Variants in TMC7 observed in about 807,000 individuals in gnomAD.
The protein encoded by TMC7 is transmembrane channel like 7.
In TMC7, 54 loss-of-function variants were observed where a neutral mutation model predicts 82.9. The ratio of observed to expected loss-of-function variants is 0.65; its 90% confidence interval spans 0.52 to 0.82. The LOEUF (loss-of-function observed/expected upper bound fraction) is 0.82, where lower values mean the gene tolerates loss of function less well. Ranked by LOEUF, TMC7 falls within the 40% of genes least tolerant of loss-of-function variation. The pLI is 0.00. For synonymous variants in TMC7, 350 were observed against 337.9 expected, an observed-to-expected ratio of 1.04 and a Z score of -0.39; for missense variants, 820 against 901.2, an observed-to-expected ratio of 0.91 and a Z score of 1.15.
intron 12 of TMC7, among the ~76,000 whole-genome samples, chr16:19,050,912 G>T (rs1408167771): frequency 1.3e-5 from 2 of 151,912 alleles, no homozygotes; most frequent in East Asian, 3.9e-4. Context: ...TTTGAGACAG[G>T]GTCTCTCTCT....
chr16:18,987,068 G>A (rs1385765497), intron 1 of TMC7, among the ~76,000 whole-genome samples: 1 of 152,142 alleles, frequency 6.6e-6, no homozygotes, highest in Admixed American at 6.5e-5. Context: ...GCCTCCCAAA[G>A]TGCTGGGATT....
intron 6 of TMC7, 137 bp downstream of exon 6, chr16:19,030,506 C>A (rs2142237626): frequency 1.1e-6 from 1 of 943,482 alleles, no homozygotes; most frequent in African/African-American, 1.7e-5. Context: ...GTTTGTGAGT[C>A]CATTGGCAGC....
Position 19,038,144 on chromosome 16 carries a change from C to G in TMC7, c.1179+97C>G, listed in dbSNP as rs555701377. Reference sequence around the variant, plus strand: ...CATTTCTGTTTTACATATGGAGATACAAGTTTGGCTGATATGATCAAGACC... The same window carrying G: ...CATTTCTGTTTTACATATGGAGATAGAAGTTTGGCTGATATGATCAAGACC... On this transcript the variant is annotated intron_variant, in intron 8 of 15. Transcript: ENST00000304381. The G allele has an allele frequency of 1.7e-4, 214 of 1,251,174 alleles. No individual in the cohort carries two copies. In the South Asian group the frequency reaches 3.1e-3, roughly 18 times the overall value. The allele number at this position is 1,251,174 out of a possible 1,614,324, so 77.5% of individuals were successfully genotyped here.
At chr16:18,989,963 C>T (rs1360602872) in intron 1 of TMC7, among the ~76,000 whole-genome samples, 1 of 151,914 alleles carries the variant, frequency 6.6e-6, no homozygotes, top group Non-Finnish European at 1.5e-5. Context: ...CACCTGGGTG[C>T]AGGCGGGCTG....
Position 19,056,051 on chromosome 16 carries a change from T to G in TMC7, c.1872-491T>G, listed in dbSNP as rs570011572. Among the ~76,000 whole-genome samples, 13 of 152,286 alleles carry G rather than the reference T, an allele frequency of 8.5e-5. No individual in the cohort carries two copies. In the East Asian group the frequency reaches 2.5e-3, roughly 29 times the overall value. ...TAAACTGGAAGTTAGGTCTAGAGAC[T>G]TGATAAAATTTCAGGGTAAGCATTT... On this transcript the variant is annotated intron_variant, in intron 13 of 15. Transcript: ENST00000304381.
intron 1 of TMC7, among the ~76,000 whole-genome samples, chr16:18,998,932 C>T (rs981374103): frequency 4.6e-5 from 7 of 152,120 alleles, no homozygotes; most frequent in Non-Finnish European, 8.8e-5. Flanking sequence ...TGCAGTTTCT[C>T]CTGACACTAC....
chr16:19,039,283 G>T (rs1960902808), intron 8 of TMC7, among the ~76,000 whole-genome samples: 1 of 151,706 alleles, frequency 6.6e-6, no homozygotes, highest in African/African-American at 2.4e-5. Context: ...TAGAGACAGG[G>T]TTTCACCAGT....
chr16:18,994,892 G>T (rs568773594), intron 1 of TMC7, among the ~76,000 whole-genome samples: 113 of 152,218 alleles, frequency 7.4e-4, no homozygotes, highest in African/African-American at 2.1e-3. Context: ...GGCATTGAGC[G>T]GGGTAAGGGT....
chr16:19,032,455 A>G (rs1960559974), intron 6 of TMC7, among the ~76,000 whole-genome samples: 2 of 151,914 alleles, frequency 1.3e-5, no homozygotes, highest in Non-Finnish European at 1.5e-5. Context: ...TGATTGTGCC[A>G]GGGGAGATCC....
At chr16:19,037,618 C>T (rs536089672) in intron 7 of TMC7, among the ~76,000 whole-genome samples, 2 of 151,934 alleles carry the variant, frequency 1.3e-5, no homozygotes, top group African/African-American at 4.8e-5. Flanking sequence ...TACAGGCACT[C>T]ATCACCACAC....
At chr16:19,045,169 T>A (rs1961211563) in intron 10 of TMC7, 168 bp downstream of exon 10, 5 of 829,938 alleles carry the variant, frequency 6.0e-6, no homozygotes, top group Non-Finnish European at 8.0e-6. Context: ...CAGGCACTTC[T>A]GAGGGCTTGG....
chr16:19,056,569 G>T lies in TMC7; in HGVS notation c.1899G>T (p.Pro633=). 1 of 1,614,014 alleles carries T rather than the reference G, an allele frequency of 6.2e-7. No individual in the cohort carries two copies. The highest frequency in any genetic ancestry group is 1.1e-5 in the South Asian group (1 of 91,060). Residue 633 remains proline (P), a synonymous_variant, in exon 14 of 16, where the codon CCG becomes CCT. Coordinates refer to ENST00000304381, the MANE Select transcript of TMC7 (RefSeq NM_024847.4). ...TCCCTTCCTCGAAAGCCTGTGGGCC[G>T]TTCACCAACTTCAACACCACCTGGG... ...SRIPSSKACG[P]FTNFNTTWEV...
intron 1 of TMC7, among the ~76,000 whole-genome samples, chr16:18,987,996 T>C (rs2038882124): frequency 6.6e-6 from 1 of 152,186 alleles, no homozygotes; most frequent in Non-Finnish European, 1.5e-5. Context: ...GTGGTGGAGC[T>C]GGACACTGAT....
At chr16:19,039,092 C>CTTTTTTTTTTTT (rs376747652) in intron 8 of TMC7, among the ~76,000 whole-genome samples, 6 of 130,452 alleles carry the variant, frequency 4.6e-5, no homozygotes, top group Non-Finnish European at 6.4e-5. Flanking sequence ...TTTCTTTTTT[C>CTTTTTTTTTTTT]TTTTTTTTTT....
chr16:19,055,080 A>C (rs915429649), intron 13 of TMC7, among the ~76,000 whole-genome samples: 1 of 151,892 alleles, frequency 6.6e-6, no homozygotes, highest in Non-Finnish European at 1.5e-5. Flanking sequence ...AAATATTTTT[A>C]TCTAAGGTTG....
At chr16:19,023,318 C>T in intron 5 of TMC7, 123 bp downstream of exon 5, 1 of 531,748 alleles carries the variant, frequency 1.9e-6, no homozygotes, top group East Asian at 3.1e-5. Flanking sequence ...ACACATGTAC[C>T]AGTAAATGAA....
chr16:19,017,214 T>G (rs1222713708), intron 3 of TMC7, among the ~76,000 whole-genome samples: 1 of 151,998 alleles, frequency 6.6e-6, no homozygotes, highest in African/African-American at 2.4e-5. Context: ...GTGCTCATGA[T>G]GCTCACATAG....
chr16:19,036,257 C>T lies in TMC7; in HGVS notation c.1005+434C>T, dbSNP rs557550483. On this transcript the variant is annotated intron_variant, in intron 7 of 15. Transcript: ENST00000304381. ...GGGCGTGGTGGCTTATGCCTGTAAT[C>T]CCAGCACTTTGGGAGGCTGAGGCAG... 2.0e-5 allele frequency among the ~76,000 whole-genome samples: 3 copies of T among 152,320 alleles called. No individual in the cohort carries two copies. In the South Asian group the frequency reaches 6.2e-4, roughly 32 times the overall value.
intron 1 of TMC7, among the ~76,000 whole-genome samples, chr16:18,986,631 A>G (rs2038854766): frequency 6.6e-6 from 1 of 152,102 alleles, no homozygotes; most frequent in African/African-American, 2.4e-5. Flanking sequence ...CGCAACCAAC[A>G]GGATCTGGTG....
Sources: allele counts gnomAD v4.1 joint callset (sites outside exome capture counted in the v4.1 genomes callset), GRCh38; gene constraint gnomAD v4.1.1; transcripts MANE v1.5; gene names NCBI Gene and HGNC (gene_info 2026-07-23, HGNC 2026-07-21).